The following EYS variants were observed in gnomAD, a reference collection of about 807,000 sequenced individuals.
EYS encodes EGF-like photoreceptor maintenance factor.
EYS carries 250 observed loss-of-function variants against 282.1 expected under a neutral mutation model. The observed-to-expected ratio is 0.89, with a 90% confidence interval of 0.80 to 0.98. The LOEUF is 0.98. EYS is among the 50% of genes least tolerant of loss of function. The pLI is 0.00. For synonymous variants in EYS, 1,355 were observed against 1,282.9 expected, an observed-to-expected ratio of 1.06 and a Z score of -1.20; for missense variants, 4,016 against 3,709.0, an observed-to-expected ratio of 1.08 and a Z score of -2.15.
At chr6:64,296,555 T>TATATATATAC in intron 30 of EYS, among the ~76,000 whole-genome samples, 1 of 5,380 alleles carries the variant, frequency 1.9e-4, no homozygotes, top group Non-Finnish European at 3.5e-4. Context: ...TATATATATA[T>TATATATATAC]ATATATATAT....
chr6:64,884,610 C>T (rs9360099), intron 19 of EYS, among the ~76,000 whole-genome samples: 23,406 of 151,018 alleles, frequency 0.15, 2,133 homozygotes, highest in East Asian at 0.49. Flanking sequence ...AAAATAAATG[C>T]TATTAAGTGT....
chr6:64,579,894 T>C (rs1203149338), intron 26 of EYS, among the ~76,000 whole-genome samples: 2 of 152,036 alleles, frequency 1.3e-5, no homozygotes, highest in African/African-American at 4.8e-5. Context: ...CTGCCTGGAG[T>C]CTTGTGGTAT....
chr6:65,613,845 C>T (rs1366323583), intron 2 of EYS, among the ~76,000 whole-genome samples: 4 of 151,788 alleles, frequency 2.6e-5, no homozygotes, highest in African/African-American at 9.7e-5. Flanking sequence ...ACTTTGATAA[C>T]TTCAAACCTA....
At chr6:64,382,792 T>A (rs866251586) in intron 29 of EYS, among the ~76,000 whole-genome samples, 2 of 152,106 alleles carry the variant, frequency 1.3e-5, no homozygotes, top group Non-Finnish European at 2.9e-5. Flanking sequence ...TCCGGACTAT[T>A]GGCACTCAAG....
chr6:65,245,426 C>G (rs1562046972), intron 12 of EYS, among the ~76,000 whole-genome samples: 1 of 152,074 alleles, frequency 6.6e-6, no homozygotes, highest in African/African-American at 2.4e-5. Flanking sequence ...CAAATTAAAA[C>G]TGTATTTCAT....
chr6:65,411,968 T>C (rs1562162825), intron 5 of EYS, among the ~76,000 whole-genome samples: 1 of 152,090 alleles, frequency 6.6e-6, no homozygotes, highest in East Asian at 1.9e-4. Flanking sequence ...GTCCCCCACA[T>C]ATTATGTTGA....
intron 5 of EYS, among the ~76,000 whole-genome samples, chr6:65,429,014 C>T (rs1298484122): frequency 6.6e-6 from 1 of 151,838 alleles, no homozygotes; most frequent in Non-Finnish European, 1.5e-5. Context: ...GAAACACTCT[C>T]TACTAAAAAT....
At chr6:65,649,190 GA>G (rs1228983672) in intron 1 of EYS, among the ~76,000 whole-genome samples, 1 of 147,032 alleles carries the variant, frequency 6.8e-6, no homozygotes, top group East Asian at 2.0e-4. Context: ...AATAAAAATT[GA>G]CATTACTTGC....
At chr6:63,857,783 G>A (rs1772432339) in intron 36 of EYS, 1 of 205,528 alleles carries the variant, frequency 4.9e-6, no homozygotes. Flanking sequence ...ACAATTACAG[G>A]CAATTTTATG....
intron 24 of EYS, among the ~76,000 whole-genome samples, chr6:64,599,383 C>A (rs1245975617): frequency 1.3e-5 from 2 of 151,756 alleles, no homozygotes; most frequent in Admixed American, 6.6e-5. Flanking sequence ...GAAGGCAGAG[C>A]CTATAATACA....
intron 22 of EYS, among the ~76,000 whole-genome samples, chr6:64,723,995 C>G (rs1445705414): frequency 1.3e-5 from 2 of 152,174 alleles, no homozygotes; most frequent in African/African-American, 2.4e-5. Flanking sequence ...CTATCAGCCT[C>G]CATCTGCTAA....
At chr6:63,900,799 C>A (rs936235457) in intron 35 of EYS, among the ~76,000 whole-genome samples, 6 of 151,954 alleles carry the variant, frequency 3.9e-5, no homozygotes, top group Non-Finnish European at 7.4e-5. Flanking sequence ...GGAAGGCAAG[C>A]TTAAAAATAA....
intron 1 of EYS, among the ~76,000 whole-genome samples, chr6:65,680,204 C>T (rs1768768886): frequency 6.6e-6 from 1 of 151,714 alleles, no homozygotes; most frequent in Admixed American, 6.6e-5. Context: ...CGTATCTTCA[C>T]TAAACTCTTC....
chr6:65,622,405 A>C (rs958082253), intron 2 of EYS, among the ~76,000 whole-genome samples: 1 of 152,152 alleles, frequency 6.6e-6, no homozygotes, highest in Admixed American at 6.5e-5. Flanking sequence ...TACTTCTGCT[A>C]TTAATCAAAT....
chr6:64,332,901 C>G (rs935010255), intron 29 of EYS, among the ~76,000 whole-genome samples: 7 of 152,176 alleles, frequency 4.6e-5, no homozygotes, highest in African/African-American at 1.7e-4. Flanking sequence ...TGTTGCCAAG[C>G]TTGTTGCCCA....
At chr6:63,829,162 C>T (rs1177189666) in intron 36 of EYS, among the ~76,000 whole-genome samples, 1 of 152,166 alleles carries the variant, frequency 6.6e-6, no homozygotes, top group Non-Finnish European at 1.5e-5. Flanking sequence ...TCAGCGTGAG[C>T]AATACAGAAG....
chr6:64,779,078 T>C (rs1773777607), intron 22 of EYS, among the ~76,000 whole-genome samples: 1 of 152,088 alleles, frequency 6.6e-6, no homozygotes, highest in Admixed American at 6.6e-5. Context: ...TGAAAGACAG[T>C]TTGGCAGTTT....
At chr6:63,760,446 G>C (rs1173267843) in intron 41 of EYS, among the ~76,000 whole-genome samples, 2 of 151,916 alleles carry the variant, frequency 1.3e-5, no homozygotes, top group African/African-American at 4.8e-5. Flanking sequence ...ATTTTAATGA[G>C]TACTCTGGAT....
chr6:64,723,724 A>G (rs1317503457), intron 22 of EYS, among the ~76,000 whole-genome samples: 1 of 152,208 alleles, frequency 6.6e-6, no homozygotes, highest in Non-Finnish European at 1.5e-5. Context: ...CATCGCTGAA[A>G]GCCTGGAGGT....
Sources: gnomAD v4.1 joint callset for allele counts (sites outside exome capture counted in the v4.1 genomes callset) on GRCh38, gnomAD v4.1.1 for gene constraint, MANE v1.5 for transcripts, NCBI Gene and HGNC (gene_info 2026-07-23, HGNC 2026-07-21) for gene names.